Variants in DMD observed in about 807,000 individuals in gnomAD.
DMD encodes dystrophin.
Under a neutral mutation model 330.1 loss-of-function variants are expected in DMD, and 63 were observed. That is an observed-to-expected ratio of 0.19 (90% confidence interval 0.16 to 0.24). DMD has a LOEUF of 0.24. DMD is among the 10% of genes least tolerant of loss of function. DMD has a pLI of 1.00. For missense variants in DMD, 3,344 were observed against 2,684.1 expected, an observed-to-expected ratio of 1.25 and a Z score of -5.43; for synonymous variants, 1,223 against 959.8, an observed-to-expected ratio of 1.27 and a Z score of -5.07.
At chrX:32,621,561 C>G (rs1384910915) in intron 11 of DMD, among the ~76,000 whole-genome samples, 5 of 109,263 alleles carry the variant, frequency 4.6e-5, no homozygotes, top group African/African-American at 1.7e-4. Context: ...TTAGCTCAAG[C>G]AATCCTCTCC....
upstream of DMD, among the ~76,000 whole-genome samples, chrX:33,216,448 G>A (rs1402897991): frequency 9.0e-6 from 1 of 110,966 alleles, no homozygotes; most frequent in Non-Finnish European, 1.9e-5. Context: ...ACTACTAGAG[G>A]GGGAATGGAG....
At chrX:33,148,593 G>A (rs2048135189) in intron 1 of DMD, among the ~76,000 whole-genome samples, 1 of 111,478 alleles carries the variant, frequency 9.0e-6, no homozygotes. Flanking sequence ...ATATTCAGAT[G>A]GATGCCATTC....
At chrX:31,898,360 T>C (rs1276009765) in intron 47 of DMD, among the ~76,000 whole-genome samples, 1 of 109,893 alleles carries the variant, frequency 9.1e-6, no homozygotes, top group Non-Finnish European at 1.9e-5. Flanking sequence ...ACTACCTGAC[T>C]TCAAACTATA....
At chrX:32,282,984 A>T (rs2097426054) in intron 43 of DMD, among the ~76,000 whole-genome samples, 1 of 112,024 alleles carries the variant, frequency 8.9e-6, no homozygotes, top group African/African-American at 3.2e-5. Context: ...TATTGATGTC[A>T]GATTTGGCAA....
At chrX:32,794,861 T>C (rs994586157) in intron 7 of DMD, among the ~76,000 whole-genome samples, 1 of 111,927 alleles carries the variant, frequency 8.9e-6, no homozygotes, top group Non-Finnish European at 1.9e-5. Flanking sequence ...CAGTAGCATT[T>C]CTATATACCA....
intron 45 of DMD, among the ~76,000 whole-genome samples, chrX:31,957,553 C>A (rs1007737573): frequency 1.8e-5 from 2 of 111,741 alleles, no homozygotes; most frequent in African/African-American, 3.3e-5. Context: ...CATTCACCAT[C>A]ATAATGGTAA....
Position 31,120,849 on chromosome X carries a change from C to T in DMD, c.*1070G>A, listed in dbSNP as rs897650103. Reference sequence around the variant, plus strand: ...TAAATCTAAATCGTGGCATTGCTAGCAGCAGGAAGCTGAATGTATCAATCA... The same window carrying T: ...TAAATCTAAATCGTGGCATTGCTAGTAGCAGGAAGCTGAATGTATCAATCA... On this transcript the variant is annotated 3_prime_UTR_variant, in exon 79 of 79. Transcript: ENST00000357033. 2.0e-5 allele frequency: 2 copies of T among 102,348 alleles called. No individual in the cohort carries two copies. Among genetic ancestry groups the T allele is most frequent in the Admixed American group, 2.0e-4 (2 of 9,769 alleles). The allele number at this position is 102,348 out of a possible 1,213,427, so 8.4% of individuals were successfully genotyped here.
intron 55 of DMD, among the ~76,000 whole-genome samples, chrX:31,521,602 G>A (rs1229294201): frequency 8.9e-6 from 1 of 112,194 alleles, no homozygotes; most frequent in Non-Finnish European, 1.9e-5. Context: ...CCCAAACAGA[G>A]AATTGTTAAC....
chrX:31,277,025 T>C (rs757208371), intron 62 of DMD, among the ~76,000 whole-genome samples: 1 of 111,615 alleles, frequency 9.0e-6, no homozygotes, highest in Non-Finnish European at 1.9e-5. Flanking sequence ...CACTGAACTG[T>C]ATAAGTTTAA....
chrX:32,768,050 CT>C (rs1569514923), intron 7 of DMD, among the ~76,000 whole-genome samples: 2 of 112,062 alleles, frequency 1.8e-5, no homozygotes, highest in Non-Finnish European at 3.8e-5. Context: ...TAAAAATATT[CT>C]GTCAAAGTCA....
chrX:32,726,038 C>G (rs922961987), intron 7 of DMD, among the ~76,000 whole-genome samples: 4 of 110,979 alleles, frequency 3.6e-5, no homozygotes, highest in Non-Finnish European at 5.7e-5. Context: ...AGGTATATCT[C>G]TTAATCTAAA....
At chrX:32,482,909 A>C (rs1360330227) in intron 21 of DMD, among the ~76,000 whole-genome samples, 10 of 108,692 alleles carry the variant, frequency 9.2e-5, no homozygotes, top group Non-Finnish European at 1.7e-4. Context: ...TGTGTGAAAA[A>C]GCAAGTTTAA....
intron 47 of DMD, among the ~76,000 whole-genome samples, chrX:31,877,224 T>C (rs1399928096): frequency 8.9e-6 from 1 of 112,276 alleles, no homozygotes; most frequent in Non-Finnish European, 1.9e-5. Context: ...GAAAAATTCA[T>C]GAGACTGTAT....
At chrX:32,140,511 T>G (rs2096747433) in intron 44 of DMD, among the ~76,000 whole-genome samples, 1 of 112,425 alleles carries the variant, frequency 8.9e-6, no homozygotes, top group African/African-American at 3.2e-5. Flanking sequence ...AAGGATATAG[T>G]TTCTATTGTG....
intron 2 of DMD, among the ~76,000 whole-genome samples, chrX:32,851,097 T>C (rs1313516132): frequency 8.9e-6 from 1 of 111,743 alleles, no homozygotes; most frequent in African/African-American, 3.3e-5. Flanking sequence ...CATACACTCC[T>C]TGGATCACAT....
intron 76 of DMD, among the ~76,000 whole-genome samples, chrX:31,141,526 T>A (rs2036046104): frequency 8.9e-6 from 1 of 111,800 alleles, no homozygotes; most frequent in African/African-American, 3.3e-5. Flanking sequence ...TAACACATGA[T>A]GAGGGCTAAA....
intron 15 of DMD, among the ~76,000 whole-genome samples, chrX:32,567,993 G>A (rs1013704936): frequency 1.8e-5 from 2 of 111,888 alleles, no homozygotes; most frequent in African/African-American, 6.5e-5. Flanking sequence ...ATAGCCATAT[G>A]TGTAAGGCTG....
At chrX:31,578,531 C>T (rs1225579393) in intron 55 of DMD, among the ~76,000 whole-genome samples, 2 of 111,913 alleles carry the variant, frequency 1.8e-5, no homozygotes, top group Non-Finnish European at 3.8e-5. Context: ...GAGAGGAAAT[C>T]AGGAAGGCTG....
intron 4 of DMD, among the ~76,000 whole-genome samples, chrX:32,830,346 G>A (rs184028345): frequency 4.8e-4 from 53 of 110,566 alleles, no homozygotes; most frequent in Non-Finnish European, 9.1e-4. Context: ...AGAATTATCA[G>A]TCTAATTGCT....
Sources: gnomAD v4.1 joint callset for allele counts (sites outside exome capture counted in the v4.1 genomes callset) on GRCh38, gnomAD v4.1.1 for gene constraint, MANE v1.5 for transcripts, NCBI Gene and HGNC (gene_info 2026-07-23, HGNC 2026-07-21) for gene names.